Variants in CKAP2L observed in about 807,000 individuals in gnomAD.
The protein encoded by CKAP2L is cytoskeleton associated protein 2L.
A neutral mutation model predicts 65.7 loss-of-function variants in CKAP2L; 42 were observed. The observed-to-expected ratio is 0.64, with a 90% CI of 0.50 to 0.83. CKAP2L has a LOEUF of 0.83. Among genes scored for constraint, CKAP2L ranks in the 40% least tolerant of loss-of-function variants. The pLI, the probability that CKAP2L is intolerant of heterozygous loss-of-function variation, is 0.00. For missense variants in CKAP2L, 908 were observed against 871.0 expected, an observed-to-expected ratio of 1.04 and a Z score of -0.53; for synonymous variants, 325 against 313.5, an observed-to-expected ratio of 1.04 and a Z score of -0.39.
At chr2:112,740,770 A>G (rs568649479) in intron 8 of CKAP2L, 48 bp downstream of exon 8, 1 of 1,459,976 alleles carries the variant, frequency 6.8e-7, no homozygotes, top group East Asian at 2.3e-5. Flanking sequence ...CGAGACTTGG[A>G]CTAGAATTAA....
At chr2:112,748,417 TAAGAA>T (rs1385155536) in intron 5 of CKAP2L, among the ~76,000 whole-genome samples, 7 of 150,380 alleles carry the variant, frequency 4.7e-5, no homozygotes, top group Admixed American at 2.0e-4. Flanking sequence ...AAGCTGAAAT[TAAGAA>T]ATTTCCCCCA....
intron 3 of CKAP2L, among the ~76,000 whole-genome samples, chr2:112,759,208 T>G (rs533993851): frequency 6.6e-6 from 1 of 151,070 alleles, no homozygotes; most frequent in South Asian, 2.1e-4. Context: ...AGTTTTGATT[T>G]ATGCCTGTTG....
chr2:112,750,290 C>G (rs1355220785), intron 5 of CKAP2L, among the ~76,000 whole-genome samples: 1 of 152,250 alleles, frequency 6.6e-6, no homozygotes, highest in Non-Finnish European at 1.5e-5. Context: ...CCTTCAGCAT[C>G]TTGTGCACAC....
Position 112,739,030 on chromosome 2 carries a change from T to C in CKAP2L, c.2031A>G (p.Glu677=), listed in dbSNP as rs1441819500. The C allele has an allele frequency of 1.2e-6, 2 of 1,614,014 alleles. No individual in the cohort carries two copies. Among genetic ancestry groups the C allele is most frequent in the Non-Finnish European group, 1.7e-6 (2 of 1,179,878 alleles). Residue 677 remains glutamate, a synonymous_variant, in exon 9 of 9, where the codon GAA becomes GAG. Coordinates refer to ENST00000302450, the MANE Select transcript of CKAP2L (RefSeq NM_152515.5). Reference sequence around the variant, plus strand: ...GAGTGATAAATTTCATGTCTTGCACTTCCGGCATCCCATTTATTCTGAGAG... The same window carrying C: ...GAGTGATAAATTTCATGTCTTGCACCTCCGGCATCCCATTTATTCTGAGAG... ...GPIPRINGMP[E]VQDMKFITPV... is the part of the protein sequence containing the mutation.
In CKAP2L at chr2:112,756,163, C is replaced by A; in HGVS notation, c.1208G>T (p.Gly403Val). The A allele has an allele frequency of 6.2e-7, 1 of 1,614,068 alleles. No individual in the cohort carries two copies. Among genetic ancestry groups the A allele is most frequent in the Non-Finnish European group, 8.5e-7 (1 of 1,179,988 alleles). Residue 403 changes from glycine to valine, a missense_variant, in exon 4 of 9, where the codon GGT (glycine) becomes GTT (valine). Transcript: ENST00000302450. ...AAAGCCATTATTGTTATGTTTATTA[C>A]CACTGGTTCCATTTGGTCTTATGCT... ...TPSIRPNGTS[G>V]NKHNNNGFQQ...
At chr2:112,740,668 G>T in intron 8 of CKAP2L, 150 bp downstream of exon 8, 1 of 633,180 alleles carries the variant, frequency 1.6e-6, no homozygotes, top group Non-Finnish European at 2.8e-6. Flanking sequence ...ATAGGACGGG[G>T]GTGAATGCAT....
rs1222542215 is a variant in CKAP2L, at chr2:112,738,000, AATAG to A, written c.*819_*822del. 6.6e-6 allele frequency: 1 copy of A among 152,212 alleles called. No homozygotes were observed. The highest frequency in any genetic ancestry group is 6.5e-5 in the Admixed American group (1 of 15,288). The allele number at this position is 152,212 out of a possible 1,614,324, so 9.4% of individuals were successfully genotyped here. A position where few individuals can be genotyped will look rare whatever the true frequency, so the allele number is the denominator to read the frequency against. On this transcript the variant is annotated 3_prime_UTR_variant, in exon 9 of 9. Coordinates refer to ENST00000302450, the MANE Select transcript of CKAP2L (RefSeq NM_152515.5). The stretch of plus-strand genomic sequence containing the variant: ...ATGACTAAGGTAAAACCTTTCCACA[AATAG>A]TTGCCCAGGAGGAAGAAAAAGCAAC...
At chr2:112,742,542 C>T in intron 7 of CKAP2L, 164 bp downstream of exon 7, 1 of 709,766 alleles carries the variant, frequency 1.4e-6, no homozygotes, top group South Asian at 1.5e-5. Flanking sequence ...TGTAATAATA[C>T]AAATAAGTCA....
At chr2:112,750,462 A>G (rs778865150) in intron 5 of CKAP2L, among the ~76,000 whole-genome samples, 1 of 152,288 alleles carries the variant, frequency 6.6e-6, no homozygotes, top group East Asian at 1.9e-4. Context: ...GATGACTCTG[A>G]GAGATGTGAC....
Position 112,746,515 on chromosome 2 carries a change from C to A in CKAP2L, c.1663G>T (p.Ala555Ser), listed in dbSNP as rs950699116. ...TTTGCTTTGCAGATCCAGAATTTAGCAAATTTTTCAGCTTCAGGAATGCTG... is the reference window on the plus strand; with the variant it reads ...TTTGCTTTGCAGATCCAGAATTTAGAAAATTTTTCAGCTTCAGGAATGCTG... Reference protein sequence around the residue: ...LSSIPEAEKFAKFWICKAKLL... With the variant: ...LSSIPEAEKFSKFWICKAKLL... Residue 555 changes from alanine to serine, a missense_variant, in exon 6 of 9, where the codon GCT becomes TCT. Physicochemically the swap from Ala to Ser is moderately conservative, Grantham distance 99. Coordinates refer to ENST00000302450, the MANE Select transcript of CKAP2L (RefSeq NM_152515.5). The A allele has an allele frequency of 5.6e-6, 9 of 1,613,204 alleles. No homozygotes were observed. In the African/African-American group the frequency reaches 1.2e-4, roughly 22 times the overall value.
chr2:112,740,612 GA>G (rs1679860345), intron 8 of CKAP2L, among the ~76,000 whole-genome samples: 1 of 152,110 alleles, frequency 6.6e-6, no homozygotes, highest in Non-Finnish European at 1.5e-5. Flanking sequence ...AGGCAGATAG[GA>G]TCTGCAAGTG....
chr2:112,764,185 A>C, intron 1 of CKAP2L: 3 of 282,904 alleles, frequency 1.1e-5, no homozygotes, highest in South Asian at 3.6e-5. Context: ...GGCACAGAGG[A>C]CCACGCCCGG....
At chr2:112,745,615 T>C (rs1246594408) in intron 6 of CKAP2L, among the ~76,000 whole-genome samples, 2 of 152,158 alleles carry the variant, frequency 1.3e-5, no homozygotes, top group African/African-American at 2.4e-5. Context: ...TCTCCTGACC[T>C]TGTGATCCAC....
chr2:112,752,621 A>G (rs1229817931), intron 4 of CKAP2L, 147 bp from the exon 5 acceptor site: 1 of 625,886 alleles, frequency 1.6e-6, no homozygotes, highest in Non-Finnish European at 2.7e-6. Context: ...ACAATTTACA[A>G]ATGGGTAATG....
In CKAP2L at chr2:112,756,851, C is replaced by A; in HGVS notation, c.520G>T (p.Glu174Ter). The A allele has an allele frequency of 6.2e-7, 1 of 1,603,028 alleles. No individual in the cohort carries two copies. Among genetic ancestry groups the A allele is most frequent in the South Asian group, 1.1e-5 (1 of 88,634 alleles). The change falls in exon 4 of 9, where the codon GAA (glutamate) becomes TAA (stop). Residue 174 changes from glutamate to a stop codon, truncating the protein, a stop_gained. Transcript: ENST00000302450. LOFTEE classifies it high-confidence loss of function. ...TCTTTTAGAAAGTTATCCAAAGATT[C>A]GTTTTCAACATGGATATTATTCATA... ...DFMNNIHVENESLDNFLKETN... is the reference protein window; with the variant it reads ...DFMNNIHVEN
intron 3 of CKAP2L, among the ~76,000 whole-genome samples, chr2:112,760,101 G>A (rs1180926321): frequency 6.6e-6 from 1 of 152,142 alleles, no homozygotes. Flanking sequence ...TGAATAATCT[G>A]TGCCTCTTTC....
At chr2:112,747,979 A>C (rs1680255803) in intron 5 of CKAP2L, among the ~76,000 whole-genome samples, 1 of 152,222 alleles carries the variant, frequency 6.6e-6, no homozygotes, top group African/African-American at 2.4e-5. Context: ...TGAGCTGAAA[A>C]TTCAGCTGTG....
rs1453631181 is a variant in CKAP2L, at chr2:112,764,573, G to C, written c.26C>G (p.Ala9Gly). 1 of 1,614,184 alleles carries C rather than the reference G, an allele frequency of 6.2e-7. No individual in the cohort carries two copies. The highest frequency in any genetic ancestry group is 2.2e-5 in the East Asian group (1 of 44,874). The change falls in exon 1 of 9, where the codon GCT becomes GGT. Residue 9 changes from alanine (A) to glycine (G), a missense_variant. Ala to Gly is a moderately conservative substitution (Grantham distance 60, BLOSUM62 0). Transcript: ENST00000302450. ...GCGGTCGTACTCACCGACAGCGGCA[G>C]CAGCGGTAGGCCCGGGCCCCACCAT... MVGPGPTA[A>G]AAVEERQRKL...
intron 7 of CKAP2L, among the ~76,000 whole-genome samples, chr2:112,741,563 C>T (rs1014072369): frequency 6.6e-6 from 1 of 152,200 alleles, no homozygotes; most frequent in African/African-American, 2.4e-5. Flanking sequence ...GGCTGACACC[C>T]TAAGTGAGGT....
Sources: allele counts gnomAD v4.1 joint callset (sites outside exome capture counted in the v4.1 genomes callset), GRCh38; gene constraint gnomAD v4.1.1; transcripts MANE v1.5; gene names NCBI Gene and HGNC (gene_info 2026-07-23, HGNC 2026-07-21).